The following KIAA1586 variants were observed in gnomAD, a reference collection of about 807,000 sequenced individuals.
KIAA1586 encodes the protein KIAA1586, also known as E3 SUMO-protein ligase KIAA1586.
KIAA1586 carries 5 observed loss-of-function variants against 6.1 expected under a neutral mutation model. The observed-to-expected ratio is 0.82, with a 90% CI of 0.43 to 1.73. The LOEUF (loss-of-function observed/expected upper bound fraction) is 1.73. KIAA1586 is among the 40% of genes most tolerant of loss of function. The probability of loss-of-function intolerance (pLI) is 0.02; values close to 1 mark genes in which losing one functional copy is unlikely to be tolerated. For synonymous variants in KIAA1586, 280 were observed against 301.7 expected (o/e 0.93, Z 0.75); for missense variants, 899 against 878.2 (o/e 1.02, Z -0.30).
rs1237750677 is a variant in KIAA1586 at position 57,050,750 on chromosome 6, T to A, written c.106-24T>A. On this transcript the variant is annotated intron_variant, in intron 2 of 3. Transcript: ENST00000370733. ...AATTGGAATGATTGTTCATGACTTG[T>A]AAATTTGCCCACTTCCTTTTTAGGA... The A allele has an allele frequency of 2.0e-6, 3 of 1,536,158 alleles. No individual in the cohort carries two copies. In the Admixed American group the frequency reaches 5.2e-5, roughly 27 times the overall value.
At position 57,046,950 on chromosome 6, in the gene KIAA1586, A is replaced by T. The variant is rs534281129; in HGVS notation, c.21+174A>T. On this transcript the variant is annotated intron_variant, in intron 1 of 3. Transcript: ENST00000370733. ...CGTGTCTGAGCGAGGAACCCGCAGC[A>T]ACAATGGCCGCCCGGCCCCCCGCAC... 2.3e-5 allele frequency: 21 copies of T among 899,920 alleles called. 1 individual carries two copies. Among genetic ancestry groups the T allele is most frequent in the Middle Eastern group, 3.6e-4 (1 of 2,786 alleles). The allele number at this position is 899,920 out of a possible 1,614,324, so 55.7% of individuals were successfully genotyped here.
rs868345133 is a variant in KIAA1586 at position 57,051,807 on chromosome 6, G to A, written c.187-879G>A. On this transcript the variant is annotated intron_variant, in intron 3 of 3. Coordinates refer to ENST00000370733, the MANE Select transcript of KIAA1586 (RefSeq NM_020931.4). ...AAACTAGCCGGGCGTGGTGGTGCAT[G>A]CCTATAGTCCCAACTAATTAGCCAG... Among the ~76,000 whole-genome samples, 4 of 152,134 alleles carry A rather than the reference G, an allele frequency of 2.6e-5. No individual in the cohort carries two copies. In the South Asian group the frequency reaches 8.3e-4, roughly 32 times the overall value.
downstream of KIAA1586, among the ~76,000 whole-genome samples, chr6:57,057,102 C>T (rs1324757797): frequency 6.6e-6 from 1 of 151,840 alleles, no homozygotes; most frequent in African/African-American, 2.4e-5. Context: ...GTGGCATGCA[C>T]CTGTAGTCCC....
the KIAA1586 span, among the ~76,000 whole-genome samples, chr6:57,063,052 C>T: frequency 1.3e-5 from 2 of 150,680 alleles, no homozygotes; most frequent in Non-Finnish European, 2.9e-5. Context: ...AAGACTCTGT[C>T]TCCAAAAAAA....
At chr6:57,058,890 A>G (rs1015466937), downstream of KIAA1586, among the ~76,000 whole-genome samples, 1 of 152,234 alleles carries the variant, frequency 6.6e-6, no homozygotes, top group African/African-American at 2.4e-5. Flanking sequence ...CTGAGCTTAC[A>G]TAAGATTTAT....
chr6:57,063,628 A>G, the KIAA1586 span, among the ~76,000 whole-genome samples: 2 of 151,444 alleles, frequency 1.3e-5, no homozygotes, highest in Non-Finnish European at 1.5e-5. Context: ...TAATTTTTGT[A>G]TTTTTAGTTG....
At position 57,053,294 on chromosome 6, in the gene KIAA1586, T is replaced by C. The variant is rs1442055875; in HGVS notation, c.795T>C (p.Asp265=). Residue 265 remains aspartate, a synonymous_variant, in exon 4 of 4, where the codon GAT becomes GAC. Transcript: ENST00000370733. ...TAAAACATAACAGACCTTTATCTGA[T>C]ATTGAGGGGGCAAGAGAATTACAGG... ...SLVKHNRPLS[D]IEGARELQEK... 6.2e-7 allele frequency: 1 copy of C among 1,612,082 alleles called. No homozygotes were observed. Among genetic ancestry groups the C allele is most frequent in the Non-Finnish European group, 8.5e-7 (1 of 1,179,204 alleles).
rs1160283645 is a variant in KIAA1586 at position 57,054,445 on chromosome 6, T to G, written c.1946T>G (p.Ile649Arg). The G allele has an allele frequency of 6.2e-7, 1 of 1,606,928 alleles. No homozygotes were observed. Among genetic ancestry groups the G allele is most frequent in the Non-Finnish European group, 8.5e-7 (1 of 1,177,162 alleles). ...WPYEEITSPW[I>R]AGEKTLFHLC... The stretch of plus-strand genomic sequence containing the variant: ...TATGAAGAAATAACTTCACCATGGA[T>G]AGCTGGTGAAAAAACATTATTTCAT... Residue 649 changes from isoleucine to arginine, a missense_variant, in exon 4 of 4, where the codon ATA (isoleucine) becomes AGA (arginine). Ile to Arg is a moderately conservative substitution (Grantham distance 97). Coordinates refer to ENST00000370733, the MANE Select transcript of KIAA1586 (RefSeq NM_020931.4).
Position 57,054,847 on chromosome 6 carries a change from T to C in KIAA1586, c.2348T>C (p.Ile783Thr). ...TKVFHENQLAIWNLK is the reference protein window; with the variant it reads ...TKVFHENQLATWNLK ...GTCTTCCATGAGAATCAATTGGCTA[T>C]ATGGAACTTAAAATAGAATATTGTA... The change falls in exon 4 of 4, where the codon ATA becomes ACA. Residue 783 changes from isoleucine (I) to threonine (T), a missense_variant. Coordinates refer to ENST00000370733, the MANE Select transcript of KIAA1586 (RefSeq NM_020931.4). The C allele has an allele frequency of 1.3e-6, 2 of 1,548,302 alleles. No individual in the cohort carries two copies. The highest frequency in any genetic ancestry group is 1.7e-6 in the Non-Finnish European group (2 of 1,144,926).
At position 57,054,473 on chromosome 6, in the gene KIAA1586, GT is replaced by G; in HGVS notation, c.1975del (p.Cys659ValfsTer4). 1 of 1,600,168 alleles carries G rather than the reference GT, an allele frequency of 6.2e-7. No homozygotes were observed. On this transcript the variant is annotated frameshift_variant, in exon 4 of 4. Transcript: ENST00000370733. LOFTEE classifies it low-confidence loss of function (END_TRUNC). Reference protein sequence around the residue: ...IAGEKTLFHLCKILKYEVDLN... With the variant: ...IAGEKTLFHLXKILKYEVDLN... ...CTGGTGAAAAAACATTATTTCATTT[GT>G]GTAAAATTTTAAAATATGAAGTTGA...
At position 57,053,532 on chromosome 6, in the gene KIAA1586, G is replaced by A; in HGVS notation, c.1033G>A (p.Val345Ile). ...QCTIQSAPAP[V>I]MLFVALKELV... ...CACAATTCAGTCAGCTCCTGCACCT[G>A]TTATGTTATTTGTGGCTTTAAAAGA... The change falls in exon 4 of 4, where the codon GTT becomes ATT. Residue 345 changes from valine (V) to isoleucine (I), a missense_variant. Physicochemically the swap from Val to Ile is conservative, Grantham distance 29. Transcript: ENST00000370733. The A allele has an allele frequency of 6.2e-7, 1 of 1,613,504 alleles. No individual in the cohort carries two copies. The highest frequency in any genetic ancestry group is 8.5e-7 in the Non-Finnish European group (1 of 1,179,694).
Position 57,054,883 on chromosome 6 carries a change from G to A in KIAA1586, c.*20G>A, listed in dbSNP as rs377465586. 4.6e-6 allele frequency: 7 copies of A among 1,518,028 alleles called. No individual in the cohort carries two copies. The African/African-American group carries it at 7.0e-5, about 15-fold the overall frequency. 94.0% of individuals were successfully genotyped at this position (1,518,028 alleles called of 1,614,324 possible). ...AAATAGAATATTGTATACGTTTTTT[G>A]TCATCTGTAAATTATGTACTACACA... On this transcript the variant is annotated 3_prime_UTR_variant, in exon 4 of 4. Coordinates refer to ENST00000370733, the MANE Select transcript of KIAA1586 (RefSeq NM_020931.4).
Position 57,054,806 on chromosome 6 carries a change from G to T in KIAA1586, c.2307G>T (p.Arg769=). Residue 769 remains arginine, a synonymous_variant, in exon 4 of 4, where the codon CGG becomes CGT. Coordinates refer to ENST00000370733, the MANE Select transcript of KIAA1586 (RefSeq NM_020931.4). The part of the protein sequence containing the change: ...NHRLATDTRV[R]QKSTKVFHEN... ...GGTTGGCTACAGATACAAGAGTTCGGCAAAAGTCAACAAAAGTCTTCCATG... is the reference window on the plus strand; with the variant it reads ...GGTTGGCTACAGATACAAGAGTTCGTCAAAAGTCAACAAAAGTCTTCCATG... 3.2e-6 allele frequency: 5 copies of T among 1,551,024 alleles called. No homozygotes were observed. Among genetic ancestry groups the T allele is most frequent in the Non-Finnish European group, 3.5e-6 (4 of 1,146,612 alleles).
chr6:57,056,537 T>C (rs1828500553), downstream of KIAA1586, among the ~76,000 whole-genome samples: 2 of 150,096 alleles, frequency 1.3e-5, no homozygotes. Context: ...CATGAAAGAA[T>C]TAGGGTTTTT....
downstream of KIAA1586, among the ~76,000 whole-genome samples, chr6:57,055,903 G>C (rs2127913524): frequency 6.6e-6 from 1 of 152,278 alleles, no homozygotes; most frequent in South Asian, 2.1e-4. Context: ...TTCAGCAGAT[G>C]CAAAATGAAT....
downstream of KIAA1586, among the ~76,000 whole-genome samples, chr6:57,059,343 A>G (rs968935217): frequency 2.6e-5 from 4 of 152,168 alleles, no homozygotes; most frequent in African/African-American, 7.2e-5. Context: ...CTGTAATCCC[A>G]GCACTTTGGG....
intron 2 of KIAA1586, among the ~76,000 whole-genome samples, chr6:57,048,641 A>C (rs1248162436): frequency 6.6e-6 from 1 of 152,214 alleles, no homozygotes; most frequent in African/African-American, 2.4e-5. Context: ...ATTTGGGAAG[A>C]GGAGTTCATG....
At chr6:57,057,829 G>C (rs906693410), downstream of KIAA1586, among the ~76,000 whole-genome samples, 1 of 151,528 alleles carries the variant, frequency 6.6e-6, no homozygotes, top group African/African-American at 2.4e-5. Flanking sequence ...TTTGAGACAG[G>C]GTCTTGCTTT....
At chr6:57,062,599 C>T in the KIAA1586 span, among the ~76,000 whole-genome samples, 1 of 152,156 alleles carries the variant, frequency 6.6e-6, no homozygotes, top group African/African-American at 2.4e-5. Context: ...TTTAACTATA[C>T]ATGGAAGAAA....
Sources: allele counts gnomAD v4.1 joint callset (sites outside exome capture counted in the v4.1 genomes callset), GRCh38; gene constraint gnomAD v4.1.1; transcripts MANE v1.5; gene names NCBI Gene and HGNC (gene_info 2026-07-23, HGNC 2026-07-21).